Variants in POU2F3 observed in about 807,000 individuals in gnomAD.
POU2F3 encodes POU class 2 homeobox 3, also known as POU domain, class 2, transcription factor 3.
Under a neutral mutation model 59.2 loss-of-function variants are expected in POU2F3, and 23 were observed. The ratio of observed to expected loss-of-function variants is 0.39; its 90% CI spans 0.28 to 0.55. The LOEUF is 0.55. POU2F3 is among the 20% of genes least tolerant of loss of function. The probability of loss-of-function intolerance (pLI) is 0.66; values close to 1 mark genes in which losing one functional copy is unlikely to be tolerated. For missense variants in POU2F3, 473 were observed against 544.5 expected (o/e 0.87, Z 1.31); for synonymous variants, 190 against 214.6 (o/e 0.89, Z 1.00).
At chr11:120,274,155 G>GGAAGGAAT (rs1940223551) in intron 3 of POU2F3, among the ~76,000 whole-genome samples, 1 of 148,886 alleles carries the variant, frequency 6.7e-6, no homozygotes, top group Non-Finnish European at 1.5e-5. Flanking sequence ...AAGGAAGGAA[G>GGAAGGAAT]GAAATGCACA....
intron 3 of POU2F3, among the ~76,000 whole-genome samples, chr11:120,296,817 T>C (rs1168402427): frequency 6.6e-6 from 1 of 152,240 alleles, no homozygotes; most frequent in Admixed American, 6.5e-5. Flanking sequence ...TTTAGGTTGA[T>C]TCCATGTCTT....
intron 10 of POU2F3, 148 bp downstream of exon 10, chr11:120,309,734 G>A (rs1349943088): frequency 8.5e-6 from 8 of 945,274 alleles, no homozygotes; most frequent in Admixed American, 8.3e-5. Context: ...AGAAGGGCGA[G>A]GGAATAGAAG....
intron 8 of POU2F3, among the ~76,000 whole-genome samples, chr11:120,306,978 C>T (rs1941511170): frequency 1.3e-5 from 2 of 152,248 alleles, no homozygotes; most frequent in Non-Finnish European, 2.9e-5. Flanking sequence ...TTAGCTCAAA[C>T]ATTTGCACTG....
chr11:120,252,206 C>CTTTTT (rs1157582096), intron 2 of POU2F3, among the ~76,000 whole-genome samples: 5 of 124,812 alleles, frequency 4.0e-5, no homozygotes, highest in Admixed American at 8.1e-5. Context: ...TTCTGCTTTT[C>CTTTTT]TTTTTTTTTT....
intron 2 of POU2F3, among the ~76,000 whole-genome samples, chr11:120,262,777 C>T (rs574798327): frequency 3.3e-5 from 5 of 152,216 alleles, no homozygotes; most frequent in Admixed American, 1.3e-4. Flanking sequence ...CATATCTTTG[C>T]GCAATTGAAC....
intron 2 of POU2F3, among the ~76,000 whole-genome samples, chr11:120,248,135 A>G (rs1938945980): frequency 6.6e-6 from 1 of 152,198 alleles, no homozygotes; most frequent in South Asian, 2.1e-4. Context: ...TATATAAAGT[A>G]GGTTAAGAGA....
In POU2F3 at chr11:120,242,395, A is replaced by T. The variant is rs572939966; in HGVS notation, c.28+2024A>T. 7.2e-5 allele frequency among the ~76,000 whole-genome samples: 11 copies of T among 152,276 alleles called. No homozygotes were observed. In the East Asian group the frequency reaches 2.1e-3, roughly 29 times the overall value. ...GGAGGATCGCTCTTCCCTCTATGGA[A>T]TATCTCATTATGGGTCCCTCTCTAG... On this transcript the variant is annotated intron_variant, in intron 1 of 12. Coordinates refer to ENST00000543440, the MANE Select transcript of POU2F3 (RefSeq NM_014352.4).
At chr11:120,241,037 G>A (rs1938641914) in intron 1 of POU2F3, among the ~76,000 whole-genome samples, 1 of 152,140 alleles carries the variant, frequency 6.6e-6, no homozygotes, top group Non-Finnish European at 1.5e-5. Flanking sequence ...ATGAGAGGTG[G>A]GCATGGAGGG....
At chr11:120,302,061 C>T (rs1387557888) in intron 5 of POU2F3, 7 of 516,840 alleles carry the variant, frequency 1.4e-5, no homozygotes, top group African/African-American at 3.9e-5. Flanking sequence ...TTGGGGACTG[C>T]TGTTTACATG....
At chr11:120,292,969 A>T (rs549590267) in intron 3 of POU2F3, among the ~76,000 whole-genome samples, 1 of 152,374 alleles carries the variant, frequency 6.6e-6, no homozygotes, top group African/African-American at 2.4e-5. Flanking sequence ...AAGCCAAAGC[A>T]TTAAATAACA....
Position 120,240,233 on chromosome 11 carries a change from G to A in POU2F3, c.-111G>A. 8.0e-7 allele frequency: 1 copy of A among 1,248,504 alleles called. No individual in the cohort carries two copies. Among genetic ancestry groups the A allele is most frequent in the East Asian group, 3.2e-5 (1 of 31,448 alleles). 77.3% of individuals were successfully genotyped at this position (1,248,504 alleles called of 1,614,324 possible). A position where few individuals can be genotyped will look rare whatever the true frequency, so the allele number is the denominator to read the frequency against. On this transcript the variant is annotated 5_prime_UTR_variant, in exon 1 of 13. Transcript: ENST00000543440. Reference sequence around the variant, plus strand: ...GACGGCTCCGGCAGCGGCTCCCGCGGCGGCGGCGGCCGGGAACTGGAGGAA... The same window carrying A: ...GACGGCTCCGGCAGCGGCTCCCGCGACGGCGGCGGCCGGGAACTGGAGGAA...
chr11:120,289,383 C>T (rs756615038), intron 3 of POU2F3, among the ~76,000 whole-genome samples: 2 of 152,194 alleles, frequency 1.3e-5, no homozygotes, highest in Non-Finnish European at 1.5e-5. Context: ...ACCGGCTACC[C>T]TCGCTACAGT....
intron 8 of POU2F3, 57 bp from the exon 9 acceptor site, chr11:120,307,422 G>A: frequency 6.3e-7 from 1 of 1,590,762 alleles, no homozygotes; most frequent in Non-Finnish European, 8.6e-7. Context: ...GATCCATGAA[G>A]GCACCGGCCA....
chr11:120,264,411 G>A (rs1279082895), intron 2 of POU2F3, among the ~76,000 whole-genome samples: 2 of 152,226 alleles, frequency 1.3e-5, no homozygotes, highest in African/African-American at 4.8e-5. Flanking sequence ...CAGAAACACA[G>A]AGGAGGAAAT....
chr11:120,236,798 C>A, upstream of POU2F3: 1 of 1,265,758 alleles, frequency 7.9e-7, no homozygotes, highest in South Asian at 1.3e-5. Context: ...GATTGCTCAC[C>A]ATTCCCCCTC....
At chr11:120,310,668 G>C (rs1004931347) in intron 10 of POU2F3, among the ~76,000 whole-genome samples, 23 of 152,278 alleles carry the variant, frequency 1.5e-4, no homozygotes, top group African/African-American at 5.3e-4. Context: ...GAATGATGTT[G>C]CCCTTCAGTC....
intron 3 of POU2F3, among the ~76,000 whole-genome samples, chr11:120,282,235 C>T (rs1591411690): frequency 6.6e-6 from 1 of 152,352 alleles, no homozygotes; most frequent in East Asian, 1.9e-4. Flanking sequence ...GGGCTATGCA[C>T]TCAGTCTGGG....
intron 7 of POU2F3, 49 bp from the exon 8 acceptor site, chr11:120,305,592 CAAG>C: frequency 6.2e-7 from 1 of 1,600,142 alleles, no homozygotes; most frequent in East Asian, 2.2e-5. Context: ...TGTGGGCAAA[CAAG>C]AGGAGGAGGC....
chr11:120,240,474 C>T, intron 1 of POU2F3, 103 bp downstream of exon 1: 5 of 1,253,068 alleles, frequency 4.0e-6, no homozygotes, highest in Non-Finnish European at 5.1e-6. Flanking sequence ...TGTTTCCCAG[C>T]GGCCAGGAGA....
Sources: gnomAD v4.1 joint callset for allele counts (sites outside exome capture counted in the v4.1 genomes callset) on GRCh38, gnomAD v4.1.1 for gene constraint, MANE v1.5 for transcripts, NCBI Gene and HGNC (gene_info 2026-07-23, HGNC 2026-07-21) for gene names.